Variants in APBB1IP observed in about 807,000 individuals in gnomAD.
The protein encoded by APBB1IP is amyloid beta A4 precursor protein-binding family B member 1-interacting protein.
In APBB1IP, 27 loss-of-function variants were observed where a neutral mutation model predicts 64.9. The ratio of observed to expected loss-of-function variants is 0.42; its 90% CI spans 0.31 to 0.57. The LOEUF (loss-of-function observed/expected upper bound fraction) is 0.57. APBB1IP is among the 20% of genes least tolerant of loss of function. The pLI, the probability that APBB1IP is intolerant of heterozygous loss-of-function variation, is 0.20. For synonymous variants in APBB1IP, 392 were observed against 331.0 expected (o/e 1.18, Z -2.00); for missense variants, 812 against 845.5 (o/e 0.96, Z 0.49).
chr10:26,452,227 T>C (rs1835473401), intron 2 of APBB1IP, among the ~76,000 whole-genome samples: 1 of 152,186 alleles, frequency 6.6e-6, no homozygotes, highest in African/African-American at 2.4e-5. Context: ...CACGATTATC[T>C]AAGGTAGGAA....
intron 2 of APBB1IP, among the ~76,000 whole-genome samples, chr10:26,445,090 C>T (rs1430377741): frequency 8.8e-6 from 1 of 113,352 alleles, no homozygotes; most frequent in East Asian, 3.3e-4. Flanking sequence ...GAGTGAGATT[C>T]TGTCAAAAAA....
chr10:26,441,546 A>G (rs1425745325), intron 2 of APBB1IP, among the ~76,000 whole-genome samples: 1 of 152,166 alleles, frequency 6.6e-6, no homozygotes, highest in Non-Finnish European at 1.5e-5. Flanking sequence ...TCCCAAAATG[A>G]GGACTCCAAA....
chr10:26,508,470 C>CA (rs1338608213), intron 6 of APBB1IP, among the ~76,000 whole-genome samples: 2 of 150,924 alleles, frequency 1.3e-5, no homozygotes, highest in Admixed American at 1.3e-4. Flanking sequence ...TAGCATCTTG[C>CA]AAAAAAAGAA....
intron 8 of APBB1IP, among the ~76,000 whole-genome samples, chr10:26,530,440 G>A (rs886439261): frequency 3.3e-5 from 5 of 151,570 alleles, no homozygotes; most frequent in African/African-American, 9.7e-5. Context: ...GCATGTAATC[G>A]CAGCACTTTG....
chr10:26,512,153 G>T (rs1836269458), intron 7 of APBB1IP, among the ~76,000 whole-genome samples: 1 of 152,130 alleles, frequency 6.6e-6, no homozygotes, highest in South Asian at 2.1e-4. Context: ...AGAAGACTTT[G>T]GTTCAAGGCT....
intron 2 of APBB1IP, among the ~76,000 whole-genome samples, chr10:26,458,124 A>G (rs1835548422): frequency 6.6e-6 from 1 of 152,210 alleles, no homozygotes; most frequent in South Asian, 2.1e-4. Context: ...GTGGTGTCTC[A>G]TGCCTGTAAT....
chr10:26,541,538 A>G lies in APBB1IP; in HGVS notation c.1045-44A>G, dbSNP rs1425068778. On this transcript the variant is annotated intron_variant, in intron 10 of 14. Coordinates refer to ENST00000376236, the MANE Select transcript of APBB1IP (RefSeq NM_019043.4). Reference sequence around the variant, plus strand: ...GAAGGACAACTCTGGAAAATTGTTAACTGTCATCTCAGTTGAAGTTTTATT... The same window carrying G: ...GAAGGACAACTCTGGAAAATTGTTAGCTGTCATCTCAGTTGAAGTTTTATT... 2.3e-6 allele frequency: 3 copies of G among 1,318,534 alleles called. No individual in the cohort carries two copies. The African/African-American group carries it at 4.4e-5, about 19-fold the overall frequency. 81.7% of individuals were successfully genotyped at this position (1,318,534 alleles called of 1,614,324 possible). A position where few individuals can be genotyped will look rare whatever the true frequency, so the allele number is the denominator to read the frequency against.
chr10:26,471,745 C>T (rs543816752), intron 2 of APBB1IP, among the ~76,000 whole-genome samples: 15 of 152,018 alleles, frequency 9.9e-5, no homozygotes, highest in South Asian at 6.2e-4. Flanking sequence ...AGGTCAGTGG[C>T]GCAATCTCGG....
At chr10:26,446,854 G>A (rs978009526) in intron 2 of APBB1IP, among the ~76,000 whole-genome samples, 2 of 66,558 alleles carry the variant, frequency 3.0e-5, no homozygotes, top group African/African-American at 1.5e-4. Flanking sequence ...AGCAAAACCT[G>A]TAGATAGATA....
At chr10:26,556,330 G>A (rs80284848) in intron 11 of APBB1IP, among the ~76,000 whole-genome samples, 5,691 of 152,310 alleles carry the variant, frequency 0.037, 131 homozygotes, top group South Asian at 0.077. Flanking sequence ...TGTCTGCAAG[G>A]CTGAACGATT....
intron 11 of APBB1IP, among the ~76,000 whole-genome samples, chr10:26,547,822 C>A (rs965394283): frequency 6.6e-6 from 1 of 152,178 alleles, no homozygotes; most frequent in African/African-American, 2.4e-5. Context: ...AAGTTACACG[C>A]TTTGCATGTA....
chr10:26,556,792 TG>T (rs747509023), intron 11 of APBB1IP, among the ~76,000 whole-genome samples: 2 of 152,060 alleles, frequency 1.3e-5, no homozygotes, highest in South Asian at 2.1e-4. Context: ...AATGTCTGAG[TG>T]GGGGGTGGGT....
chr10:26,501,434 A>C (rs1364711505), intron 5 of APBB1IP: 1 of 510,716 alleles, frequency 2.0e-6, no homozygotes, highest in Non-Finnish European at 3.5e-6. Flanking sequence ...GGAACTGATT[A>C]TATATTTCCA....
chr10:26,460,297 G>A (rs1835574268), intron 2 of APBB1IP, among the ~76,000 whole-genome samples: 2 of 152,146 alleles, frequency 1.3e-5, no homozygotes, highest in South Asian at 4.1e-4. Flanking sequence ...AATTTTTAGA[G>A]TCATTTAGAA....
intron 2 of APBB1IP, among the ~76,000 whole-genome samples, chr10:26,449,853 A>T (rs1835445257): frequency 6.6e-6 from 1 of 152,098 alleles, no homozygotes; most frequent in Non-Finnish European, 1.5e-5. Context: ...CTACAAAAAA[A>T]TGAAAAAGCC....
At chr10:26,518,553 G>A (rs1336588540) in intron 8 of APBB1IP, among the ~76,000 whole-genome samples, 4 of 152,202 alleles carry the variant, frequency 2.6e-5, no homozygotes, top group African/African-American at 4.8e-5. Flanking sequence ...GAGAATTCCT[G>A]TTGTTCCAGA....
intron 11 of APBB1IP, among the ~76,000 whole-genome samples, chr10:26,555,783 G>A (rs12241074): frequency 6.6e-6 from 1 of 152,118 alleles, no homozygotes; most frequent in African/African-American, 2.4e-5. Context: ...ACTTTTTGTA[G>A]AGACAAGGTT....
rs774392265 is a variant in APBB1IP, at chr10:26,560,210, G to C, written c.1254+7G>C. On this transcript the variant is annotated splice_region_variant and intron_variant, in intron 12 of 14. Coordinates refer to ENST00000376236, the MANE Select transcript of APBB1IP (RefSeq NM_019043.4). ...GGGAATACGGATAGCCAAGGTGAGA[G>C]AGCGTTCGGACTTCACCCTGTCTTG... 6.7e-5 allele frequency: 108 copies of C among 1,612,694 alleles called. No homozygotes were observed. Among genetic ancestry groups the C allele is most frequent in the Middle Eastern group, 1.6e-4 (1 of 6,082 alleles).
chr10:26,469,103 T>C (rs1835683582), intron 2 of APBB1IP, among the ~76,000 whole-genome samples: 1 of 151,994 alleles, frequency 6.6e-6, no homozygotes, highest in Middle Eastern at 3.2e-3. Context: ...TCTTTTTTTT[T>C]TTTCACTTTA....
Sources: allele counts gnomAD v4.1 joint callset (sites outside exome capture counted in the v4.1 genomes callset), GRCh38; gene constraint gnomAD v4.1.1; transcripts MANE v1.5; gene names NCBI Gene and HGNC (gene_info 2026-07-23, HGNC 2026-07-21).